WWOX: variants seen among roughly 807,000 people sequenced by gnomAD.
WWOX encodes WW domain-containing oxidoreductase.
WWOX carries 69 observed loss-of-function variants against 46.2 expected under a neutral mutation model. The observed-to-expected ratio is 1.49, with a 90% CI of 1.23 to 1.82. The LOEUF (loss-of-function observed/expected upper bound fraction) is 1.82, where lower values mean the gene tolerates loss of function less well. Ranked by LOEUF, WWOX falls within the 40% of genes most tolerant of loss-of-function variation. The pLI is 0.00. For synonymous variants in WWOX, 359 were observed against 202.6 expected (o/e 1.77, Z -6.56); for missense variants, 919 against 542.6 (o/e 1.69, Z -6.89).
At chr16:79,012,813 C>G (rs527675163) in intron 8 of WWOX, among the ~76,000 whole-genome samples, 114 of 152,336 alleles carry the variant, frequency 7.5e-4, no homozygotes, top group Non-Finnish European at 1.5e-3. Flanking sequence ...CTTCCAGATC[C>G]TTTGACTCCT....
At chr16:79,020,704 A>T (rs2047515926) in intron 8 of WWOX, among the ~76,000 whole-genome samples, 1 of 152,224 alleles carries the variant, frequency 6.6e-6, no homozygotes, top group South Asian at 2.1e-4. Context: ...GGTGAGTAGG[A>T]TAAAGCTCTG....
intron 8 of WWOX, among the ~76,000 whole-genome samples, chr16:78,827,863 C>T (rs150225849): frequency 4.6e-5 from 7 of 152,170 alleles, no homozygotes; most frequent in East Asian, 1.9e-4. Context: ...AACAACAAAA[C>T]ATATGGCCAG....
chr16:78,963,259 G>A (rs1039414919), intron 8 of WWOX, among the ~76,000 whole-genome samples: 3 of 152,072 alleles, frequency 2.0e-5, no homozygotes, highest in Non-Finnish European at 4.4e-5. Context: ...CCTTGAGTCC[G>A]GGAGTTGAAG....
chr16:78,109,994 T>C (rs2032396575), intron 3 of WWOX, among the ~76,000 whole-genome samples, 159 bp downstream of exon 3: 1 of 151,974 alleles, frequency 6.6e-6, no homozygotes, highest in African/African-American at 2.4e-5. Flanking sequence ...GCTGGAACTT[T>C]TAACATCGCT....
At chr16:78,409,775 G>A (rs566695644) in intron 6 of WWOX, among the ~76,000 whole-genome samples, 6 of 152,062 alleles carry the variant, frequency 3.9e-5, no homozygotes, top group Admixed American at 6.6e-5. Flanking sequence ...GCCTTTTCCA[G>A]CTTCTAAAGG....
chr16:78,517,914 A>G (rs1448780229), intron 8 of WWOX, among the ~76,000 whole-genome samples: 3 of 139,920 alleles, frequency 2.1e-5, no homozygotes. Context: ...AAGAACCAGG[A>G]CACCTCATCC....
At chr16:78,210,947 C>T (rs2036540691) in intron 5 of WWOX, among the ~76,000 whole-genome samples, 1 of 152,180 alleles carries the variant, frequency 6.6e-6, no homozygotes, top group Admixed American at 6.5e-5. Flanking sequence ...GATTTAAGTA[C>T]ATCTGGGATA....
chr16:78,765,674 G>T (rs964720770), intron 8 of WWOX, among the ~76,000 whole-genome samples: 3 of 152,032 alleles, frequency 2.0e-5, no homozygotes, highest in African/African-American at 7.2e-5. Context: ...GTGAGACTCT[G>T]TCTAAAAAAA....
intron 8 of WWOX, among the ~76,000 whole-genome samples, chr16:78,485,836 A>C (rs1360157618): frequency 6.6e-6 from 1 of 152,196 alleles, no homozygotes; most frequent in East Asian, 1.9e-4. Flanking sequence ...TCCTGGATGC[A>C]CTTATTTTGC....
chr16:78,659,784 G>C (rs1567470831), intron 8 of WWOX, among the ~76,000 whole-genome samples: 1 of 152,150 alleles, frequency 6.6e-6, no homozygotes. Flanking sequence ...CAAAGATAAA[G>C]GGAGAACAGC....
intron 8 of WWOX, among the ~76,000 whole-genome samples, chr16:78,559,833 A>G (rs992052124): frequency 6.6e-6 from 1 of 152,198 alleles, no homozygotes; most frequent in Admixed American, 6.5e-5. Flanking sequence ...GTGAACAGGC[A>G]CAAAACAACA....
chr16:78,924,988 C>T (rs1033588776), intron 8 of WWOX, among the ~76,000 whole-genome samples: 12 of 152,104 alleles, frequency 7.9e-5, no homozygotes, highest in African/African-American at 1.4e-4. Flanking sequence ...TGAGCTCAGG[C>T]GTTCAAGACC....
intron 8 of WWOX, among the ~76,000 whole-genome samples, chr16:78,565,327 A>C (rs2044539077): frequency 6.6e-6 from 1 of 152,232 alleles, no homozygotes; most frequent in South Asian, 2.1e-4. Context: ...TCAAGATGTC[A>C]GTAGGGCTTG....
At chr16:78,125,467 T>C (rs1025200459) in intron 4 of WWOX, among the ~76,000 whole-genome samples, 2 of 152,172 alleles carry the variant, frequency 1.3e-5, no homozygotes, top group Admixed American at 1.3e-4. Flanking sequence ...TTTAAACCCG[T>C]GAAGCCTCGC....
chr16:79,136,330 A>C (rs538214389), intron 8 of WWOX, among the ~76,000 whole-genome samples: 12 of 151,992 alleles, frequency 7.9e-5, no homozygotes, highest in African/African-American at 2.7e-4. Flanking sequence ...TCCCTGGTTC[A>C]AGCGATTCTC....
intron 4 of WWOX, among the ~76,000 whole-genome samples, chr16:78,136,689 A>C (rs961153217): frequency 6.6e-6 from 1 of 152,226 alleles, no homozygotes; most frequent in Non-Finnish European, 1.5e-5. Context: ...TTTGGGTTTT[A>C]AGAGGTCTAT....
chr16:78,423,116 A>C (rs1220973541), intron 6 of WWOX, among the ~76,000 whole-genome samples: 2 of 151,178 alleles, frequency 1.3e-5, no homozygotes, highest in Admixed American at 1.3e-4. Flanking sequence ...TGAACTTCTG[A>C]CCTCGTGATT....
chr16:78,578,098 A>C (rs957311272), intron 8 of WWOX, among the ~76,000 whole-genome samples: 1 of 151,364 alleles, frequency 6.6e-6, no homozygotes, highest in African/African-American at 2.4e-5. Flanking sequence ...AAGTACTTAG[A>C]TACTGTGTCA....
intron 5 of WWOX, among the ~76,000 whole-genome samples, chr16:78,228,492 C>A (rs2037144007): frequency 6.6e-6 from 1 of 152,026 alleles, no homozygotes; most frequent in African/African-American, 2.4e-5. Context: ...CAGGTGCTTG[C>A]CACCATGCCC....
Sources: gnomAD v4.1 joint callset for allele counts (sites outside exome capture counted in the v4.1 genomes callset) on GRCh38, gnomAD v4.1.1 for gene constraint, MANE v1.5 for transcripts, NCBI Gene and HGNC (gene_info 2026-07-23, HGNC 2026-07-21) for gene names.